Variants in VAMP3 observed in about 807,000 individuals in gnomAD.
VAMP3 encodes the protein vesicle-associated membrane protein 3.
In VAMP3, 11 loss-of-function variants were observed where a neutral mutation model predicts 18.1. The observed-to-expected ratio is 0.61, with a 90% confidence interval of 0.38 to 1.00. The LOEUF is 1.00. Ranked by LOEUF, VAMP3 falls within the 50% of genes least tolerant of loss-of-function variation. The pLI, the probability that VAMP3 is intolerant of heterozygous loss-of-function variation, is 0.01. For missense variants in VAMP3, 122 were observed against 127.3 expected (o/e 0.96, Z 0.20); for synonymous variants, 49 against 43.1 (o/e 1.14, Z -0.53).
At chr1:7,777,679 G>A (rs1256011173) in intron 3 of VAMP3, among the ~76,000 whole-genome samples, 1 of 152,186 alleles carries the variant, frequency 6.6e-6, no homozygotes, top group Non-Finnish European at 1.5e-5. Flanking sequence ...AAGGTCAAGG[G>A]AAAGAAATGC....
At chr1:7,778,080 G>T (rs1353036502) in intron 3 of VAMP3, 38 bp from the exon 4 acceptor site, 1 of 1,608,234 alleles carries the variant, frequency 6.2e-7, no homozygotes, top group South Asian at 1.1e-5. Context: ...CATTATGTCT[G>T]CATTTGAAAT....
intron 1 of VAMP3, among the ~76,000 whole-genome samples, chr1:7,772,153 T>C (rs899941448): frequency 1.3e-5 from 2 of 152,216 alleles, no homozygotes; most frequent in African/African-American, 4.8e-5. Context: ...GTGTTGACTC[T>C]CTAAACCTCA....
At chr1:7,778,930 G>A (rs538224438) in intron 4 of VAMP3, among the ~76,000 whole-genome samples, 25 of 152,170 alleles carry the variant, frequency 1.6e-4, no homozygotes, top group Non-Finnish European at 3.2e-4. Flanking sequence ...GCTTGGTGGC[G>A]CACGCCTGTA....
At chr1:7,775,737 A>G (rs1181671131) in intron 2 of VAMP3, among the ~76,000 whole-genome samples, 2 of 152,246 alleles carry the variant, frequency 1.3e-5, no homozygotes, top group Non-Finnish European at 1.5e-5. Context: ...ATTTTGGTAT[A>G]TAAGAATCCA....
chr1:7,773,741 G>C (rs1248790355), intron 2 of VAMP3, among the ~76,000 whole-genome samples: 2 of 152,150 alleles, frequency 1.3e-5, no homozygotes, highest in African/African-American at 2.4e-5. Flanking sequence ...ATAACATTTA[G>C]CTCAGGAGAA....
chr1:7,779,384 A>T (rs539999280), intron 4 of VAMP3, among the ~76,000 whole-genome samples: 1 of 152,322 alleles, frequency 6.6e-6, no homozygotes, highest in South Asian at 2.1e-4. Context: ...GACTTCTTTC[A>T]TTGATAGATG....
At chr1:7,778,005 C>G in intron 3 of VAMP3, 113 bp from the exon 4 acceptor site, 1 of 1,124,632 alleles carries the variant, frequency 8.9e-7, no homozygotes, top group Non-Finnish European at 1.3e-6. Flanking sequence ...TTACTCCAGA[C>G]TGTATGCACC....
At chr1:7,771,416 C>T (rs1558351978) in intron 1 of VAMP3, 31 bp downstream of exon 1, 2 of 1,553,318 alleles carry the variant, frequency 1.3e-6, no homozygotes, top group African/African-American at 1.4e-5. Flanking sequence ...CGGGCGGCTT[C>T]GGGCCCCGCA....
In VAMP3 at chr1:7,771,377, T is replaced by C; in HGVS notation, c.-7T>C. 4 of 1,592,542 alleles carry C rather than the reference T, an allele frequency of 2.5e-6. No homozygotes were observed. The highest frequency in any genetic ancestry group is 3.4e-6 in the Non-Finnish European group (4 of 1,172,908). Reference sequence around the variant, plus strand: ...TCGTCGCCGCTGCCGCCGCCGCAGCTGCCAAAATGTGAGTGACGCTACGCG... The same window carrying C: ...TCGTCGCCGCTGCCGCCGCCGCAGCCGCCAAAATGTGAGTGACGCTACGCG... On this transcript the variant is annotated 5_prime_UTR_variant, in exon 1 of 5. Transcript: ENST00000054666.
At chr1:7,773,111 A>C (rs2150365278) in intron 1 of VAMP3, 1 of 250,884 alleles carries the variant, frequency 4.0e-6, no homozygotes, top group East Asian at 8.6e-5. Flanking sequence ...TACTGAGTAC[A>C]TTCAAGCAGA....
At chr1:7,772,149 A>G (rs1475706113) in intron 1 of VAMP3, among the ~76,000 whole-genome samples, 1 of 152,122 alleles carries the variant, frequency 6.6e-6, no homozygotes, top group Non-Finnish European at 1.5e-5. Context: ...AGCTGTGTTG[A>G]CTCTCTAAAC....
chr1:7,772,138 C>T (rs1008263315), intron 1 of VAMP3, among the ~76,000 whole-genome samples: 6 of 152,182 alleles, frequency 3.9e-5, no homozygotes, highest in African/African-American at 1.4e-4. Context: ...GTCCTGCAGC[C>T]AGCTGTGTTG....
chr1:7,771,307 C>A lies in VAMP3; in HGVS notation c.-77C>A. 1 of 1,568,184 alleles carries A rather than the reference C, an allele frequency of 6.4e-7. No individual in the cohort carries two copies. Among genetic ancestry groups the A allele is most frequent in the Admixed American group, 1.8e-5 (1 of 56,800 alleles). ...CCCCGCGCCGCGCCGTCCCACCCAT[C>A]TCCCTGGCCTCCGGTCCCAACTTCG... On this transcript the variant is annotated 5_prime_UTR_variant, in exon 1 of 5. Coordinates refer to ENST00000054666, the MANE Select transcript of VAMP3 (RefSeq NM_004781.4).
rs903695105 is a variant in VAMP3 at position 7,780,575 on chromosome 1, T to C, written c.*930T>C. 6.6e-6 allele frequency: 1 copy of C among 152,398 alleles called. No individual in the cohort carries two copies. The highest frequency in any genetic ancestry group is 1.5e-5 in the Non-Finnish European group (1 of 68,038). The allele number at this position is 152,398 out of a possible 1,614,324, so 9.4% of individuals were successfully genotyped here. A position where few individuals can be genotyped will look rare whatever the true frequency, so the allele number is the denominator to read the frequency against. The stretch of plus-strand genomic sequence containing the variant: ...CTCTGACCGTCTCATAAAAGAGTTC[T>C]ACCCAGCAGTTGGCAGATTATCAGC... On this transcript the variant is annotated 3_prime_UTR_variant, in exon 5 of 5. Coordinates refer to ENST00000054666, the MANE Select transcript of VAMP3 (RefSeq NM_004781.4).
At chr1:7,774,258 G>A (rs900102440) in intron 2 of VAMP3, among the ~76,000 whole-genome samples, 4 of 152,126 alleles carry the variant, frequency 2.6e-5, no homozygotes, top group African/African-American at 9.7e-5. Flanking sequence ...TGATGGTTTT[G>A]TTCATGAACT....
At chr1:7,776,065 AC>A (rs2097054165) in intron 2 of VAMP3, among the ~76,000 whole-genome samples, 2 of 152,210 alleles carry the variant, frequency 1.3e-5, no homozygotes, top group Admixed American at 6.5e-5. Flanking sequence ...TGTTTTGATT[AC>A]TGTAGCTTTG....
intron 2 of VAMP3, among the ~76,000 whole-genome samples, chr1:7,774,039 C>G (rs759481551): frequency 2.0e-5 from 3 of 152,218 alleles, no homozygotes; most frequent in Non-Finnish European, 4.4e-5. Context: ...TTGTAGAATT[C>G]TTGAGCTAGA....
chr1:7,779,644 G>GA lies in VAMP3; in HGVS notation c.*1dup. ...TTCTTAGTGTGGGTTGTCTCTTCAT[G>GA]AAGAACCAGCGGAACTCAAAACTGC... ...IIIIVWVVSS[*] The change falls in exon 5 of 5, where the codon TGA becomes TGAA. Residue 101 remains the stop codon, a frameshift_variant and stop_retained_variant. Transcript: ENST00000054666. LOFTEE classifies it high-confidence loss of function. 1 of 1,614,114 alleles carries GA rather than the reference G, an allele frequency of 6.2e-7. No individual in the cohort carries two copies.
intron 3 of VAMP3, 21 bp from the exon 4 acceptor site, chr1:7,778,097 T>G (rs780152955): frequency 6.2e-7 from 1 of 1,612,894 alleles, no homozygotes; most frequent in South Asian, 1.1e-5. Context: ...AAATGTGATA[T>G]GGACATATGT....
Sources: gnomAD v4.1 joint callset for allele counts (sites outside exome capture counted in the v4.1 genomes callset) on GRCh38, gnomAD v4.1.1 for gene constraint, MANE v1.5 for transcripts, NCBI Gene and HGNC (gene_info 2026-07-23, HGNC 2026-07-21) for gene names.